The following TBC1D30 variants were observed in gnomAD, a reference collection of about 807,000 sequenced individuals.
TBC1D30 encodes the protein TBC1 domain family, member 30.
TBC1D30 carries 31 observed loss-of-function variants against 63.2 expected under a neutral mutation model. The ratio of observed to expected loss-of-function variants is 0.49; its 90% CI spans 0.37 to 0.66. TBC1D30 has a LOEUF of 0.66. Among genes scored for constraint, TBC1D30 ranks in the 30% least tolerant of loss-of-function variants. TBC1D30 has a pLI of 0.00. For missense variants in TBC1D30, 810 were observed against 953.6 expected (o/e 0.85, Z 1.98); for synonymous variants, 307 against 361.5 (o/e 0.85, Z 1.71).
Position 64,836,539 on chromosome 12 carries a change from A to G in TBC1D30, c.644A>G (p.Asn215Ser), listed in dbSNP as rs563733138. Residue 215 changes from asparagine (N) to serine (S), a missense_variant, in exon 6 of 12, where the codon AAT (asparagine) becomes AGT (serine). Transcript: ENST00000539867. ...DKVLPESYFV[N>S]NLRALSVDMA... Reference sequence around the variant, plus strand: ...GTACTTCCCGAAAGCTATTTCGTCAATAATCTCCGGGCATTGTCTGTGGAT... The same window carrying G: ...GTACTTCCCGAAAGCTATTTCGTCAGTAATCTCCGGGCATTGTCTGTGGAT... 50 of 1,535,902 alleles carry G rather than the reference A, an allele frequency of 3.3e-5. No homozygotes were observed. Among genetic ancestry groups the G allele is most frequent in the South Asian group, 1.9e-4 (16 of 84,048 alleles).
At chr12:64,826,069 CTT>C (rs75131281) in intron 1 of TBC1D30, among the ~76,000 whole-genome samples, 185 of 150,114 alleles carry the variant, frequency 1.2e-3, no homozygotes, top group African/African-American at 4.4e-3. Flanking sequence ...TCCTTTACCT[CTT>C]TTTTTTTTCT....
chr12:64,868,672 T>C, intron 10 of TBC1D30: 1 of 293,760 alleles, frequency 3.4e-6, no homozygotes. Context: ...GCAGGAACCT[T>C]CTTTTTCTTC....
intron 8 of TBC1D30, among the ~76,000 whole-genome samples, chr12:64,844,398 G>A (rs529431140): frequency 6.6e-6 from 1 of 151,986 alleles, no homozygotes; most frequent in Non-Finnish European, 1.5e-5. Context: ...ATTTTTGTGG[G>A]CACGTAGTAG....
At chr12:64,763,097 A>T (rs572789631) in intron 1 of TBC1D30, among the ~76,000 whole-genome samples, 12 of 152,282 alleles carry the variant, frequency 7.9e-5, no homozygotes, top group Non-Finnish European at 1.8e-4. Context: ...CTGGGATTAC[A>T]GGCATGCGTC....
At chr12:64,768,932 G>T (rs1028875637) in intron 1 of TBC1D30, among the ~76,000 whole-genome samples, 1 of 152,058 alleles carries the variant, frequency 6.6e-6, no homozygotes, top group Admixed American at 6.6e-5. Flanking sequence ...TGAGGCAGGC[G>T]GATTGCCTGA....
chr12:64,762,902 T>C (rs933560665), intron 1 of TBC1D30, among the ~76,000 whole-genome samples: 64 of 152,346 alleles, frequency 4.2e-4, no homozygotes, highest in African/African-American at 1.5e-3. Context: ...ATGTTTAGTA[T>C]TTTTGTCAAA....
intron 8 of TBC1D30, among the ~76,000 whole-genome samples, chr12:64,860,617 G>A (rs944092816): frequency 3.3e-5 from 5 of 152,174 alleles, no homozygotes; most frequent in South Asian, 2.1e-4. Flanking sequence ...AAACTGGACT[G>A]TGTAAGAAAC....
chr12:64,771,529 A>C (rs143147102), intron 1 of TBC1D30, among the ~76,000 whole-genome samples: 119 of 152,246 alleles, frequency 7.8e-4, no homozygotes, highest in African/African-American at 2.6e-3. Context: ...GCAACAAACA[A>C]GTGCATGAAT....
At chr12:64,804,671 G>A (rs1357103746) in intron 2 of TBC1D30, among the ~76,000 whole-genome samples, 10 of 152,138 alleles carry the variant, frequency 6.6e-5, no homozygotes. Context: ...AATCAGTTAT[G>A]TAATGAAAAA....
At chr12:64,780,450 G>A (rs945090685), upstream of TBC1D30, among the ~76,000 whole-genome samples, 1 of 152,234 alleles carries the variant, frequency 6.6e-6, no homozygotes, top group Non-Finnish European at 1.5e-5. Flanking sequence ...AGTGAAGGTG[G>A]CGGCGGCCTC....
intron 7 of TBC1D30, among the ~76,000 whole-genome samples, chr12:64,839,733 G>A (rs1266979121): frequency 1.3e-5 from 2 of 152,102 alleles, no homozygotes; most frequent in Non-Finnish European, 2.9e-5. Flanking sequence ...TCGGCCGAGC[G>A]CGGTAGCTCA....
At chr12:64,819,516 A>G (rs910901298) in intron 2 of TBC1D30, among the ~76,000 whole-genome samples, 6 of 148,922 alleles carry the variant, frequency 4.0e-5, no homozygotes, top group Non-Finnish European at 7.4e-5. Flanking sequence ...TCCCAGGTTC[A>G]AGCGATTCTC....
At chr12:64,858,206 C>A (rs1447085134) in intron 8 of TBC1D30, among the ~76,000 whole-genome samples, 1 of 152,204 alleles carries the variant, frequency 6.6e-6, no homozygotes, top group Non-Finnish European at 1.5e-5. Context: ...CCATTCCCAC[C>A]AAACTTACTA....
At chr12:64,779,880 A>C (rs1328921114), upstream of TBC1D30, among the ~76,000 whole-genome samples, 1 of 152,228 alleles carries the variant, frequency 6.6e-6, no homozygotes, top group African/African-American at 2.4e-5. Flanking sequence ...AATCTCTAAG[A>C]ACAGTGCCTG....
chr12:64,803,248 C>T (rs958157447), intron 2 of TBC1D30, among the ~76,000 whole-genome samples: 6 of 152,204 alleles, frequency 3.9e-5, no homozygotes, highest in Middle Eastern at 3.4e-3. Flanking sequence ...TGATGGCTAG[C>T]GATGATGAGC....
chr12:64,871,655 A>AT (rs1317122435), intron 11 of TBC1D30, among the ~76,000 whole-genome samples: 1 of 152,222 alleles, frequency 6.6e-6, no homozygotes, highest in African/African-American at 2.4e-5. Flanking sequence ...TAACTGAACA[A>AT]TTTCACTTTA....
In TBC1D30 at chr12:64,864,708, C is replaced by T. The variant is rs1878070515; in HGVS notation, c.1079C>T (p.Ala360Val). The T allele has an allele frequency of 6.5e-7, 1 of 1,536,310 alleles. No homozygotes were observed. The highest frequency in any genetic ancestry group is 2.0e-5 in the Admixed American group (1 of 50,968). Residue 360 changes from alanine to valine, a missense_variant, in exon 9 of 12, where the codon GCA (alanine) becomes GTA (valine). This residue lies in a region of TBC1D30 where 83 missense variants were observed against 121.5 expected (regional missense o/e 0.68). Transcript: ENST00000539867. The stretch of plus-strand genomic sequence containing the variant: ...GCTCCGTTCCCTTTCCCACAATTGG[C>T]AGAGTTGAGGGAAAAATACACCTAC... ...SMAPFPFPQL[A>V]ELREKYTYNI...
At position 64,774,269 on chromosome 12, in the gene TBC1D30, C is replaced by T. The variant is rs754089620; in HGVS notation, c.-375-11612C>T. Among the ~76,000 whole-genome samples, 11 of 152,088 alleles carry T rather than the reference C, an allele frequency of 7.2e-5. 1 individual carries two copies. The highest frequency in any genetic ancestry group is 7.2e-4 in the Admixed American group (11 of 15,264). ...AAAGAATGAAAAGGAATGAACAAAA[C>T]GTCTGAGAAATATGAGATTATGTAA... is the stretch of plus-strand genomic sequence containing the variant. On this transcript the variant is annotated intron_variant, in intron 1 of 13. Coordinates refer to the TBC1D30 transcript ENST00000674237.
chr12:64,761,135 C>A (rs1432394918), intron 1 of TBC1D30, among the ~76,000 whole-genome samples: 3 of 152,220 alleles, frequency 2.0e-5, no homozygotes, highest in Non-Finnish European at 2.9e-5. Context: ...GCCAATTTTT[C>A]AAGCTGGTTA....
Sources: gnomAD v4.1 joint callset for allele counts (sites outside exome capture counted in the v4.1 genomes callset) on GRCh38, gnomAD v4.1.1 for gene constraint, gnomAD v4.1.1 regional missense constraint, MANE v1.5 for transcripts, NCBI Gene and HGNC (gene_info 2026-07-23, HGNC 2026-07-21) for gene names.